Variants in ERBB4 observed in about 807,000 individuals in gnomAD.
ERBB4 encodes the protein receptor tyrosine-protein kinase erbB-4.
In ERBB4, 42 loss-of-function variants were observed where a neutral mutation model predicts 158.0. That is an observed-to-expected ratio of 0.27 (90% CI 0.21 to 0.34). ERBB4 has a LOEUF of 0.34. ERBB4 is among the 10% of genes least tolerant of loss of function. The probability of loss-of-function intolerance (pLI) is 1.00; values close to 1 mark genes in which losing one functional copy is unlikely to be tolerated. For missense variants in ERBB4, 1,333 were observed against 1,624.1 expected (o/e 0.82, Z 3.08); for synonymous variants, 583 against 558.7 (o/e 1.04, Z -0.61).
At chr2:212,204,354 T>C (rs192367992) in intron 1 of ERBB4, among the ~76,000 whole-genome samples, 25 of 152,324 alleles carry the variant, frequency 1.6e-4, no homozygotes, top group African/African-American at 5.3e-4. Context: ...TTTGCTTTCA[T>C]TCTGTTTGCA....
chr2:212,275,027 G>C (rs765083833), intron 1 of ERBB4, among the ~76,000 whole-genome samples: 1 of 151,838 alleles, frequency 6.6e-6, no homozygotes, highest in Non-Finnish European at 1.5e-5. Flanking sequence ...GCAGTGTTTG[G>C]TTTTCTGTTC....
chr2:211,882,295 T>C (rs57164432), intron 3 of ERBB4, among the ~76,000 whole-genome samples: 21,550 of 152,128 alleles, frequency 0.14, 1,859 homozygotes, highest in African/African-American at 0.24. Flanking sequence ...CCTCGGTTCT[T>C]TAGGGCTGGA....
chr2:212,136,852 C>T (rs1454209610), intron 1 of ERBB4, among the ~76,000 whole-genome samples: 3 of 152,258 alleles, frequency 2.0e-5, no homozygotes, highest in South Asian at 2.1e-4. Flanking sequence ...TTACTGTTAT[C>T]TTCAGATGAT....
At chr2:212,333,674 A>G (rs935722580) in intron 1 of ERBB4, among the ~76,000 whole-genome samples, 3 of 142,370 alleles carry the variant, frequency 2.1e-5, no homozygotes, top group Non-Finnish European at 3.1e-5. Context: ...AGCCTGGGTG[A>G]TGGAGTGAGA....
Position 211,380,731 on chromosome 2 carries a change from G to C in ERBB4, c.*2884C>G, listed in dbSNP as rs1246799437. 3 of 231,884 alleles carry C rather than the reference G, an allele frequency of 1.3e-5. No individual in the cohort carries two copies. The highest frequency in any genetic ancestry group is 2.6e-5 in the Non-Finnish European group (3 of 117,324). The allele number at this position is 231,884 out of a possible 1,614,324, so 14.4% of individuals were successfully genotyped here. On this transcript the variant is annotated 3_prime_UTR_variant, in exon 28 of 28. Coordinates refer to ENST00000342788, the MANE Select transcript of ERBB4 (RefSeq NM_005235.3). The stretch of plus-strand genomic sequence containing the variant: ...AATTATAAAGTGGTGCTATTATAAA[G>C]CATTTGGGTCATTTTGGATTATTCC...
chr2:212,394,353 T>C (rs1214427977), intron 1 of ERBB4, among the ~76,000 whole-genome samples: 2 of 152,242 alleles, frequency 1.3e-5, no homozygotes, highest in East Asian at 3.9e-4. Flanking sequence ...TTTGAGTTAA[T>C]ATTATAATGG....
At chr2:212,335,639 G>A (rs6743763) in intron 1 of ERBB4, among the ~76,000 whole-genome samples, 20,714 of 151,852 alleles carry the variant, frequency 0.14, 1,455 homozygotes, top group African/African-American at 0.17. Flanking sequence ...TTAACATTTC[G>A]TAGGAGACAA....
intron 1 of ERBB4, among the ~76,000 whole-genome samples, chr2:212,415,055 CTGA>C (rs914010511): frequency 1.3e-5 from 2 of 152,120 alleles, no homozygotes; most frequent in Admixed American, 1.3e-4. Context: ...TAAACTGAAA[CTGA>C]TGATGATTTC....
At chr2:211,624,878 C>T (rs1273029434) in intron 17 of ERBB4, among the ~76,000 whole-genome samples, 2 of 152,010 alleles carry the variant, frequency 1.3e-5, no homozygotes, top group Admixed American at 1.3e-4. Flanking sequence ...CAGAATACAA[C>T]AGGGAGTGGG....
At chr2:212,427,431 C>T (rs192557688) in intron 1 of ERBB4, among the ~76,000 whole-genome samples, 8 of 152,224 alleles carry the variant, frequency 5.3e-5, no homozygotes, top group Admixed American at 3.9e-4. Flanking sequence ...TATTCTGCCT[C>T]GAACCTATTC....
At chr2:211,986,268 A>G (rs1347805194) in intron 2 of ERBB4, among the ~76,000 whole-genome samples, 1 of 152,186 alleles carries the variant, frequency 6.6e-6, no homozygotes, top group East Asian at 1.9e-4. Context: ...AGAAATTTCT[A>G]TGGTTTAAAG....
At chr2:211,684,502 C>T (rs968403372) in intron 12 of ERBB4, among the ~76,000 whole-genome samples, 1 of 151,758 alleles carries the variant, frequency 6.6e-6, no homozygotes, top group African/African-American at 2.4e-5. Flanking sequence ...GAAAAGAAAC[C>T]AAGCTTGCAG....
At chr2:212,089,051 C>T (rs894164654) in intron 2 of ERBB4, among the ~76,000 whole-genome samples, 1 of 152,018 alleles carries the variant, frequency 6.6e-6, no homozygotes, top group South Asian at 2.1e-4. Flanking sequence ...TTTCCATTTG[C>T]TACTACTGAT....
intron 3 of ERBB4, among the ~76,000 whole-genome samples, chr2:211,878,130 C>T (rs571678746): frequency 6.6e-6 from 1 of 151,948 alleles, no homozygotes; most frequent in Admixed American, 6.6e-5. Context: ...CAAACAACAA[C>T]AAAAAACAAT....
At chr2:211,524,192 TC>T (rs2066270857) in intron 20 of ERBB4, among the ~76,000 whole-genome samples, 1 of 151,946 alleles carries the variant, frequency 6.6e-6, no homozygotes, top group Non-Finnish European at 1.5e-5. Flanking sequence ...ATACAGAGTG[TC>T]GATTGGTGCA....
intron 4 of ERBB4, among the ~76,000 whole-genome samples, chr2:211,772,102 A>G (rs926179056): frequency 6.6e-6 from 1 of 152,136 alleles, no homozygotes; most frequent in Non-Finnish European, 1.5e-5. Context: ...ACTTACATCT[A>G]CTGAACCTGT....
intron 4 of ERBB4, among the ~76,000 whole-genome samples, chr2:211,772,957 T>TATATATATATA (rs1265057935): frequency 3.5e-5 from 4 of 113,892 alleles, no homozygotes; most frequent in Admixed American, 1.7e-4. Flanking sequence ...ATATATATAT[T>TATATATATATA]TTTTTTTTTA....
At chr2:211,778,842 C>T (rs1575135776) in intron 4 of ERBB4, 1 of 152,334 alleles carries the variant, frequency 6.6e-6, no homozygotes, top group East Asian at 1.9e-4. Flanking sequence ...TTACGGCAGT[C>T]CTTCTTACTC....
chr2:211,979,130 A>C (rs113887180), intron 2 of ERBB4, among the ~76,000 whole-genome samples: 2 of 152,284 alleles, frequency 1.3e-5, no homozygotes, highest in African/African-American at 4.8e-5. Flanking sequence ...CAATAGACCA[A>C]AACAAACAAA....
Sources: allele counts gnomAD v4.1 joint callset (sites outside exome capture counted in the v4.1 genomes callset), GRCh38; gene constraint gnomAD v4.1.1; transcripts MANE v1.5; gene names NCBI Gene and HGNC (gene_info 2026-07-23, HGNC 2026-07-21).